Variants in ACVR1C observed in about 807,000 individuals in gnomAD.
The protein encoded by ACVR1C is activin receptor type-1C.
In ACVR1C, 23 loss-of-function variants were observed where a neutral mutation model predicts 57.9. The ratio of observed to expected loss-of-function variants is 0.40; its 90% CI spans 0.29 to 0.56. ACVR1C has a LOEUF of 0.56. Among genes scored for constraint, ACVR1C ranks in the 20% least tolerant of loss-of-function variants. ACVR1C has a pLI of 0.50. For missense variants in ACVR1C, 480 were observed against 607.9 expected (o/e 0.79, Z 2.21); for synonymous variants, 214 against 215.3 (o/e 0.99, Z 0.05).
chr2:157,547,784 T>A (rs1393352828), intron 4 of ACVR1C, among the ~76,000 whole-genome samples: 2 of 151,620 alleles, frequency 1.3e-5, no homozygotes, highest in Non-Finnish European at 2.9e-5. Context: ...TTCACTCTGA[T>A]GGTAGTTTCT....
chr2:157,587,637 T>G (rs1688957285), intron 1 of ACVR1C, among the ~76,000 whole-genome samples: 1 of 152,110 alleles, frequency 6.6e-6, no homozygotes, highest in African/African-American at 2.4e-5. Flanking sequence ...TTTTGTGATT[T>G]ATTCCAGTTG....
chr2:157,545,839 A>G (rs1285316970), intron 4 of ACVR1C, among the ~76,000 whole-genome samples: 1 of 152,100 alleles, frequency 6.6e-6, no homozygotes, highest in Non-Finnish European at 1.5e-5. Context: ...CAGTGTCGCA[A>G]TCTCGGCTCA....
At position 157,556,169 on chromosome 2, in the gene ACVR1C, A is replaced by G. The variant is rs905494160; in HGVS notation, c.468T>C (p.Ser156=). 1.9e-6 allele frequency: 3 copies of G among 1,614,020 alleles called. No homozygotes were observed. The highest frequency in any genetic ancestry group is 1.7e-5 in the Admixed American group (1 of 60,006). The stretch of plus-strand genomic sequence containing the variant: ...TTCCAGCATTTACCAGATTGCACTC[A>G]GAGAGTGGTTCCTCCACATTTGGTC... ...KKRPNVEEPL[S]ECNLVNAGKT... The change falls in exon 3 of 9, where the codon TCT becomes TCC. Residue 156 remains serine, a synonymous_variant. Transcript: ENST00000243349.
intron 2 of ACVR1C, among the ~76,000 whole-genome samples, chr2:157,558,402 T>C (rs192319371): frequency 5.2e-4 from 79 of 152,352 alleles, no homozygotes; most frequent in Non-Finnish European, 8.4e-4. Flanking sequence ...ACCTACAATG[T>C]GTCAAAAAAT....
At chr2:157,606,988 A>T (rs187653076) in intron 1 of ACVR1C, among the ~76,000 whole-genome samples, 310 of 151,924 alleles carry the variant, frequency 2.0e-3, no homozygotes, top group African/African-American at 7.1e-3. Flanking sequence ...TGATTTTTGT[A>T]TACAGTGAGG....
At position 157,556,189 on chromosome 2, in the gene ACVR1C, T is replaced by C. The variant is rs55920843; in HGVS notation, c.448A>G (p.Asn150Asp). Residue 150 changes from asparagine (N) to aspartate (D), a missense_variant, in exon 3 of 9, where the codon AAT (asparagine) becomes GAT (aspartate). Asn to Asp is a conservative substitution (Grantham distance 23). Coordinates refer to ENST00000243349, the MANE Select transcript of ACVR1C (RefSeq NM_145259.3). ...QCSYRKKKRPNVEEPLSECNL... is the reference protein window; with the variant it reads ...QCSYRKKKRPDVEEPLSECNL... The stretch of plus-strand genomic sequence containing the variant: ...CACTCAGAGAGTGGTTCCTCCACAT[T>C]TGGTCTCTTTTTCTTCCTGTAGGAG... 6.2e-7 allele frequency: 1 copy of C among 1,614,082 alleles called. No individual in the cohort carries two copies. The highest frequency in any genetic ancestry group is 8.5e-7 in the Non-Finnish European group (1 of 1,179,956).
intron 2 of ACVR1C, among the ~76,000 whole-genome samples, chr2:157,580,972 C>A (rs2105250577): frequency 6.6e-6 from 1 of 152,210 alleles, no homozygotes; most frequent in East Asian, 1.9e-4. Flanking sequence ...GACAAAAAAA[C>A]AATCTGAGAG....
intron 2 of ACVR1C, among the ~76,000 whole-genome samples, chr2:157,560,183 A>G (rs1201485118): frequency 6.6e-6 from 1 of 152,066 alleles, no homozygotes; most frequent in Non-Finnish European, 1.5e-5. Flanking sequence ...ACTACTTCCT[A>G]TTTCTTGCTT....
At chr2:157,579,244 C>T (rs920259969) in intron 2 of ACVR1C, among the ~76,000 whole-genome samples, 3 of 152,138 alleles carry the variant, frequency 2.0e-5, no homozygotes, top group Non-Finnish European at 4.4e-5. Flanking sequence ...CTTTTGGACT[C>T]GTATGTGAAA....
chr2:157,548,584 T>C (rs1459005224), intron 4 of ACVR1C, among the ~76,000 whole-genome samples: 2 of 151,050 alleles, frequency 1.3e-5, no homozygotes, highest in East Asian at 3.9e-4. Flanking sequence ...AACAGAGATA[T>C]AGATCAATGG....
chr2:157,539,399 G>A (rs1484357611), intron 7 of ACVR1C, among the ~76,000 whole-genome samples: 2 of 152,070 alleles, frequency 1.3e-5, no homozygotes, highest in Non-Finnish European at 2.9e-5. Flanking sequence ...TAAATTCCAA[G>A]AAATCCCTTA....
chr2:157,611,418 A>C (rs542636332), intron 1 of ACVR1C, among the ~76,000 whole-genome samples: 1 of 152,126 alleles, frequency 6.6e-6, no homozygotes, highest in Non-Finnish European at 1.5e-5. Context: ...TGGTGGCAGC[A>C]GTGGGCTGAG....
chr2:157,527,621 C>A lies in ACVR1C; in HGVS notation c.*6297G>T, dbSNP rs1377826652. 2.0e-5 allele frequency: 3 copies of A among 152,056 alleles called. No individual in the cohort carries two copies. The highest frequency in any genetic ancestry group is 4.4e-5 in the Non-Finnish European group (3 of 68,018). The allele number at this position is 152,056 out of a possible 1,614,324, so 9.4% of individuals were successfully genotyped here. ...TCAAGTTTGAATAATCTTCTCCAGT[C>A]TAGAATCAGAAGAGTACATGAGCTT... is the stretch of plus-strand genomic sequence containing the variant. On this transcript the variant is annotated 3_prime_UTR_variant, in exon 9 of 9. Coordinates refer to ENST00000243349, the MANE Select transcript of ACVR1C (RefSeq NM_145259.3).
intron 2 of ACVR1C, among the ~76,000 whole-genome samples, chr2:157,572,712 C>T (rs894827180): frequency 6.6e-6 from 1 of 152,090 alleles, no homozygotes; most frequent in Non-Finnish European, 1.5e-5. Context: ...TTTCTGGAGA[C>T]AAGAAATGCC....
intron 1 of ACVR1C, 58 bp from the exon 2 acceptor site, chr2:157,587,475 G>C (rs1688954483): frequency 8.1e-7 from 1 of 1,230,826 alleles, no homozygotes; most frequent in African/African-American, 1.5e-5. Flanking sequence ...TACTTTATTT[G>C]ATAATACCTG....
rs114030973 is a variant in ACVR1C, at chr2:157,573,297, C to T, written c.304+13890G>A. 1.8e-3 allele frequency among the ~76,000 whole-genome samples: 275 copies of T among 152,186 alleles called. 1 individual carries two copies. The highest frequency in any genetic ancestry group is 6.0e-3 in the African/African-American group (248 of 41,540). ...TTATCAATTTTCCTTTTCCTCTTTA[C>T]GCAATTCAGAACAGAACAGGAAGGC... On this transcript the variant is annotated intron_variant, in intron 2 of 8. Coordinates refer to ENST00000243349, the MANE Select transcript of ACVR1C (RefSeq NM_145259.3).
intron 3 of ACVR1C, among the ~76,000 whole-genome samples, chr2:157,554,246 AGAAAGAAAGAAAGAAAGAAAG>A (rs1688012623): frequency 7.2e-6 from 1 of 138,172 alleles, no homozygotes; most frequent in Non-Finnish European, 1.5e-5. Context: ...AAAGAAAGAA[AGAAAGAAAGAAAGAAAGAAAG>A]AAAGGAAGGA....
intron 4 of ACVR1C, among the ~76,000 whole-genome samples, chr2:157,548,860 A>G (rs1314138526): frequency 6.6e-6 from 1 of 152,194 alleles, no homozygotes; most frequent in Non-Finnish European, 1.5e-5. Flanking sequence ...AGTTCACTAA[A>G]ATTGTCTCAC....
At chr2:157,603,534 A>AT (rs1192417248) in intron 1 of ACVR1C, among the ~76,000 whole-genome samples, 1 of 152,146 alleles carries the variant, frequency 6.6e-6, no homozygotes, top group Non-Finnish European at 1.5e-5. Context: ...CAAGTAGCCC[A>AT]TAAGTGTTCT....
Sources: allele counts gnomAD v4.1 joint callset (sites outside exome capture counted in the v4.1 genomes callset), GRCh38; gene constraint gnomAD v4.1.1; transcripts MANE v1.5; gene names NCBI Gene and HGNC (gene_info 2026-07-23, HGNC 2026-07-21).